MYOM3: variants seen among roughly 807,000 people sequenced by gnomAD.
MYOM3 encodes myomesin-3.
Under a neutral mutation model 191.7 loss-of-function variants are expected in MYOM3, and 155 were observed. The ratio of observed to expected loss-of-function variants is 0.81; its 90% confidence interval spans 0.71 to 0.92. The LOEUF is 0.92. Among genes scored for constraint, MYOM3 ranks in the 40% least tolerant of loss-of-function variants. The probability of loss-of-function intolerance (pLI) is 0.00; values close to 1 mark genes in which losing one functional copy is unlikely to be tolerated. For synonymous variants in MYOM3, 757 were observed against 762.9 expected, an observed-to-expected ratio of 0.99 and a Z score of 0.13; for missense variants, 1,889 against 1,890.6, an observed-to-expected ratio of 1.00 and a Z score of 0.02.
chr1:24,081,604 C>A (rs981950145), intron 18 of MYOM3, 148 bp from the exon 19 acceptor site: 1 of 969,570 alleles, frequency 1.0e-6, no homozygotes, highest in African/African-American at 1.6e-5. Flanking sequence ...ACTTTGTCAC[C>A]CAGGCTGGAG....
At position 24,075,336 on chromosome 1, in the gene MYOM3, G is replaced by T. The variant is rs757040650; in HGVS notation, c.2841C>A (p.Ile947=). The T allele has an allele frequency of 6.8e-6, 11 of 1,612,260 alleles. No homozygotes were observed. Among genetic ancestry groups the T allele is most frequent in the South Asian group, 1.1e-5 (1 of 90,974 alleles). Residue 947 remains isoleucine, a synonymous_variant, in exon 22 of 37, where the codon ATC becomes ATA. Coordinates refer to ENST00000374434, the MANE Select transcript of MYOM3 (RefSeq NM_152372.4). ...KGPLDPQRVK[I]EDKVNKSKVI... is the part of the protein sequence containing the mutation. ...TCACTTACTTGTTAACTTTATCCTCGATCTTGACCCTCTGGGGGTCCAGTG... is the reference window on the plus strand; with the variant it reads ...TCACTTACTTGTTAACTTTATCCTCTATCTTGACCCTCTGGGGGTCCAGTG...
rs1481575182 is a variant in MYOM3 at position 24,056,104 on chromosome 1, C to G, written c.*1260G>C. ...ATTTCCAGGGTTTTCCAAAATTTTA[C>G]AACAAACATCTATAATTTTATGAAC... On this transcript the variant is annotated 3_prime_UTR_variant, in exon 37 of 37. Transcript: ENST00000374434. 6.6e-6 allele frequency: 1 copy of G among 152,134 alleles called. No homozygotes were observed. The highest frequency in any genetic ancestry group is 1.5e-5 in the Non-Finnish European group (1 of 68,024). The allele number at this position is 152,134 out of a possible 1,614,324, so 9.4% of individuals were successfully genotyped here.
intron 24 of MYOM3, among the ~76,000 whole-genome samples, chr1:24,071,615 T>C (rs533319016): frequency 7.9e-5 from 12 of 152,236 alleles, no homozygotes; most frequent in African/African-American, 2.6e-4. Context: ...CATGGTTCTG[T>C]TGTGTAGCCA....
chr1:24,095,536 C>A (rs748574334), intron 7 of MYOM3, 50 bp from the exon 8 acceptor site: 1 of 1,551,712 alleles, frequency 6.4e-7, no homozygotes, highest in Non-Finnish European at 8.8e-7. Flanking sequence ...AGCCCACATT[C>A]CTATGCTATT....
At position 24,087,820 on chromosome 1, in the gene MYOM3, T is replaced by C. The variant is rs897975627; in HGVS notation, c.1615-993A>G. 6.6e-6 allele frequency among the ~76,000 whole-genome samples: 1 copy of C among 152,174 alleles called. No individual in the cohort carries two copies. The highest frequency in any genetic ancestry group is 2.4e-5 in the African/African-American group (1 of 41,440). ...GGCACCCCCTCCCCTGACTGCCGTG[T>C]CCCTAGGGCCAAGAACAGGACTGGC... On this transcript the variant is annotated intron_variant, in intron 14 of 36. Transcript: ENST00000374434. This position sits in a 1 kb window ranked among gnomAD's most constrained non-coding sequence, Gnocchi z 4.5.
chr1:24,092,087 A>G, intron 11 of MYOM3, 87 bp downstream of exon 11: 1 of 1,274,414 alleles, frequency 7.8e-7, no homozygotes. Context: ...CTCTGAGGTC[A>G]GACATGGGGC....
chr1:24,089,763 C>T (rs562156149), intron 13 of MYOM3, 98 bp from the exon 14 acceptor site: 3 of 1,387,242 alleles, frequency 2.2e-6, no homozygotes, highest in Non-Finnish European at 2.9e-6. Flanking sequence ...CACCCCTACC[C>T]ATCCCCCAGA....
chr1:24,090,986 C>A lies in MYOM3; in HGVS notation c.1243G>T (p.Glu415Ter), dbSNP rs758659506. The A allele has an allele frequency of 1.2e-6, 2 of 1,613,756 alleles. No individual in the cohort carries two copies. Among genetic ancestry groups the A allele is most frequent in the Non-Finnish European group, 1.7e-6 (2 of 1,179,976 alleles). ...TAYTIERCQG[E>*]SGEWIACHEA... ...TGGCAGGCGATCCATTCCCCAGACTCGCCCTGGCACCTGTTGGAGACAGGC... is the reference window on the plus strand; with the variant it reads ...TGGCAGGCGATCCATTCCCCAGACTAGCCCTGGCACCTGTTGGAGACAGGC... The change falls in exon 12 of 37, where the codon GAG (glutamate) becomes TAG (stop). Residue 415 changes from glutamate to a stop codon, truncating the protein, a stop_gained. Coordinates refer to ENST00000374434, the MANE Select transcript of MYOM3 (RefSeq NM_152372.4). LOFTEE classifies it high-confidence loss of function.
intron 17 of MYOM3, 36 bp from the exon 18 acceptor site, chr1:24,082,224 C>A: frequency 6.5e-7 from 1 of 1,536,228 alleles, no homozygotes; most frequent in South Asian, 1.3e-5. Context: ...CAGCTGCTCC[C>A]TAGGGGTGGC....
intron 29 of MYOM3, among the ~76,000 whole-genome samples, chr1:24,064,655 C>T (rs1431404701): frequency 1.3e-5 from 2 of 152,230 alleles, no homozygotes; most frequent in Admixed American, 6.5e-5. Context: ...TCTGAACAAA[C>T]ACTCAGCAAA....
intron 29 of MYOM3, among the ~76,000 whole-genome samples, chr1:24,065,375 C>A (rs1241186793): frequency 1.3e-5 from 2 of 152,200 alleles, no homozygotes; most frequent in Non-Finnish European, 2.9e-5. Flanking sequence ...GGCCACGGTC[C>A]ACCAAAGGCC....
rs1419429524 is a variant in MYOM3, at chr1:24,063,248, G to A, written c.3662-14C>T. On this transcript the variant is annotated splice_polypyrimidine_tract_variant and intron_variant, in intron 31 of 36. Transcript: ENST00000374434. This position sits in a 1 kb window ranked among gnomAD's most constrained non-coding sequence, Gnocchi z 4.5. ...TTGCAGAGAGGGCTGGGGAGACAGA[G>A]GAGAAGGATGAATCTTCCCTGAGGC... 2.5e-6 allele frequency: 4 copies of A among 1,604,528 alleles called. No individual in the cohort carries two copies. The highest frequency in any genetic ancestry group is 1.7e-5 in the Admixed American group (1 of 59,974).
intron 1 of MYOM3, among the ~76,000 whole-genome samples, chr1:24,109,812 CTA>C (rs1644024191): frequency 6.6e-6 from 1 of 152,240 alleles, no homozygotes; most frequent in South Asian, 2.1e-4. Context: ...CTTCTGATCT[CTA>C]TGTCATATGT....
At chr1:24,090,410 C>T (rs763504652) in intron 12 of MYOM3, among the ~76,000 whole-genome samples, 4 of 152,172 alleles carry the variant, frequency 2.6e-5, no homozygotes, top group African/African-American at 4.8e-5. Flanking sequence ...GAGCTTCTAG[C>T]ACACCCAAGT....
intron 25 of MYOM3, among the ~76,000 whole-genome samples, chr1:24,070,097 A>G (rs1643507374): frequency 6.6e-6 from 1 of 152,264 alleles, no homozygotes; most frequent in South Asian, 2.1e-4. Flanking sequence ...TTACAAAATA[A>G]TATACTCTAA....
rs1428609209 is a variant in MYOM3, at chr1:24,071,237, G to A, written c.3030C>T (p.Ser1010=). 1.2e-6 allele frequency: 2 copies of A among 1,613,126 alleles called. No homozygotes were observed. The highest frequency in any genetic ancestry group is 8.5e-7 in the Non-Finnish European group (1 of 1,179,586). The change falls in exon 25 of 37, where the codon TCC becomes TCT. Residue 1010 remains serine (S), a synonymous_variant. Transcript: ENST00000374434. ...EIRNPVIKLI[S]GWNIDILERG... is the part of the protein sequence containing the mutation. ...GCTCCAGGATGTCAATGTTCCAGCC[G>A]GAGATCAGTTTGATCACTGGGAGGC... is the stretch of plus-strand genomic sequence containing the variant.
intron 10 of MYOM3, 114 bp from the exon 11 acceptor site, chr1:24,092,429 G>A: frequency 1.1e-6 from 1 of 944,070 alleles, no homozygotes. Flanking sequence ...GCTCAGTTTT[G>A]ATCTTGAGGA....
At position 24,081,370 on chromosome 1, in the gene MYOM3, GC is replaced by G. The variant is rs780086628; in HGVS notation, c.2366del (p.Ser789ThrfsTer73). On this transcript the variant is annotated frameshift_variant, in exon 19 of 37. Coordinates refer to ENST00000374434, the MANE Select transcript of MYOM3 (RefSeq NM_152372.4). LOFTEE classifies it high-confidence loss of function. ...WAGVGELSAP[S>X]SLFECKEWTM... The stretch of plus-strand genomic sequence containing the variant: ...TCCACTCTTTGCACTCAAACAGGCT[GC>G]TGGGTGCCGACAGCTCGCCAACACC... 51 of 1,614,052 alleles carry G rather than the reference GC, an allele frequency of 3.2e-5. No homozygotes were observed. Among genetic ancestry groups the G allele is most frequent in the Non-Finnish European group, 3.6e-5 (43 of 1,180,042 alleles).
At chr1:24,068,505 C>T in intron 25 of MYOM3, 138 bp from the exon 26 acceptor site, 4 of 941,596 alleles carry the variant, frequency 4.2e-6, no homozygotes, top group Non-Finnish European at 6.5e-6. Flanking sequence ...CGTTGGGTAA[C>T]CCTCTGCTGC....
Sources: gnomAD v4.1 joint callset for allele counts (sites outside exome capture counted in the v4.1 genomes callset) on GRCh38, gnomAD v4.1.1 for gene constraint, Gnocchi (gnomAD v3.1) non-coding constraint, MANE v1.5 for transcripts, NCBI Gene and HGNC (gene_info 2026-07-23, HGNC 2026-07-21) for gene names.